Variants in GPM6B observed in about 807,000 individuals in gnomAD.
The protein encoded by GPM6B is glycoprotein M6B.
Under a neutral mutation model 27.2 loss-of-function variants are expected in GPM6B, and 4 were observed. The observed-to-expected ratio is 0.15, with a 90% CI of 0.07 to 0.34. The LOEUF (loss-of-function observed/expected upper bound fraction) is 0.34. Among genes scored for constraint, GPM6B ranks in the 10% least tolerant of loss-of-function variants. The pLI is 1.00. For synonymous variants in GPM6B, 124 were observed against 103.1 expected, an observed-to-expected ratio of 1.20 and a Z score of -1.23; for missense variants, 183 against 261.9, an observed-to-expected ratio of 0.70 and a Z score of 2.08.
intron 1 of GPM6B, among the ~76,000 whole-genome samples, chrX:13,903,844 T>C (rs2050304300): frequency 9.0e-6 from 1 of 111,718 alleles, no homozygotes; most frequent in East Asian, 2.8e-4. Flanking sequence ...GGTGGACTCA[T>C]GCAGGGCTTT....
chrX:13,868,519 G>A (rs988432636), intron 1 of GPM6B, among the ~76,000 whole-genome samples: 8 of 111,980 alleles, frequency 7.1e-5, no homozygotes, highest in East Asian at 5.6e-4. Flanking sequence ...CACTAAAAGC[G>A]AAATGCAAGA....
At chrX:13,801,808 C>T (rs1356752315) in intron 2 of GPM6B, among the ~76,000 whole-genome samples, 2 of 111,455 alleles carry the variant, frequency 1.8e-5, no homozygotes, top group Non-Finnish European at 3.8e-5. Flanking sequence ...TAGAGCTGGT[C>T]CTTGGGGGTG....
chrX:13,781,956 T>C (rs1295476211), intron 4 of GPM6B, among the ~76,000 whole-genome samples: 1 of 111,635 alleles, frequency 9.0e-6, no homozygotes, highest in Non-Finnish European at 1.9e-5. Flanking sequence ...AGTGGCAGCT[T>C]TGCTTCCCTA....
At position 13,773,953 on chromosome X, in the gene GPM6B, CTTTTTTTTTTTTTT is replaced by C. The variant is rs772367299; in HGVS notation, c.838-937_838-924del. ...AAAAAAAACTACCCACATATAAATC[CTTTTTTTTTTTTTT>C]TTTTTTTTTTTTCCAGAGAACTGGG... On this transcript the variant is annotated intron_variant, in intron 7 of 7. Transcript: ENST00000316715. 5.5e-5 allele frequency: 24 copies of C among 436,324 alleles called. 1 individual carries two copies. In the Admixed American group the frequency reaches 7.4e-4, roughly 13 times the overall value. The allele number at this position is 436,324 out of a possible 1,213,427, so 36.0% of individuals were successfully genotyped here. A position where few individuals can be genotyped will look rare whatever the true frequency, so the allele number is the denominator to read the frequency against.
At chrX:13,890,322 A>C (rs746520366) in intron 1 of GPM6B, among the ~76,000 whole-genome samples, 1 of 111,899 alleles carries the variant, frequency 8.9e-6, no homozygotes, top group Non-Finnish European at 1.9e-5. Context: ...GGCATGAATA[A>C]TCCACTCCTT....
At chrX:13,886,222 T>C (rs552216320) in intron 1 of GPM6B, among the ~76,000 whole-genome samples, 1 of 111,888 alleles carries the variant, frequency 8.9e-6, no homozygotes, top group East Asian at 2.8e-4. Flanking sequence ...AGCTAATGAA[T>C]CAGAAAGCAA....
intron 1 of GPM6B, among the ~76,000 whole-genome samples, chrX:13,916,650 T>C (rs1481358673): frequency 1.1e-5 from 1 of 92,690 alleles, no homozygotes; most frequent in Non-Finnish European, 2.1e-5. Flanking sequence ...AAAGAACATG[T>C]ATTAGTTTAT....
intron 1 of GPM6B, among the ~76,000 whole-genome samples, chrX:13,853,220 C>G (rs988779336): frequency 9.0e-6 from 1 of 111,092 alleles, no homozygotes; most frequent in Non-Finnish European, 1.9e-5. Context: ...TTCTGAGATT[C>G]GACAGAAGGA....
At chrX:13,847,212 C>G (rs2049660377) in intron 1 of GPM6B, among the ~76,000 whole-genome samples, 1 of 111,685 alleles carries the variant, frequency 9.0e-6, no homozygotes, top group Non-Finnish European at 1.9e-5. Flanking sequence ...TGCCCAAGTT[C>G]TGAGTGCTGA....
chrX:13,833,745 T>C (rs1174008740), intron 1 of GPM6B, among the ~76,000 whole-genome samples: 1 of 111,346 alleles, frequency 9.0e-6, no homozygotes, highest in Non-Finnish European at 1.9e-5. Flanking sequence ...AACAAAACTG[T>C]GTTCATCTGT....
rs757209982 is a variant in GPM6B, at chrX:13,810,510, C to T, written c.62-2741G>A. Among the ~76,000 whole-genome samples the T allele has an allele frequency of 7.2e-5, 8 of 111,238 alleles. No homozygotes were observed. The South Asian group carries it at 3.0e-3, about 42-fold the overall frequency. ...TGGACCAGAAATGGACCTCTAGATC[C>T]CCCACCATGCTGACTTTTACCCAAG... On this transcript the variant is annotated intron_variant, in intron 1 of 7. Transcript: ENST00000316715.
At chrX:13,900,175 A>C (rs1272874742) in intron 1 of GPM6B, among the ~76,000 whole-genome samples, 4 of 112,099 alleles carry the variant, frequency 3.6e-5, no homozygotes, top group Non-Finnish European at 5.6e-5. Flanking sequence ...TGCACAATAA[A>C]AAACACAGGG....
chrX:13,784,798 T>G (rs1274560271), intron 3 of GPM6B, among the ~76,000 whole-genome samples: 1 of 111,744 alleles, frequency 8.9e-6, no homozygotes, highest in Non-Finnish European at 1.9e-5. Flanking sequence ...TCCTCTCTTC[T>G]GCAATGGAGG....
intron 1 of GPM6B, among the ~76,000 whole-genome samples, chrX:13,933,664 G>A (rs1446871087): frequency 8.9e-6 from 1 of 112,226 alleles, no homozygotes; most frequent in African/African-American, 3.2e-5. Context: ...ACTTTGGAGA[G>A]TCTTAACAAA....
At chrX:13,893,724 C>G in intron 1 of GPM6B, among the ~76,000 whole-genome samples, 1 of 112,436 alleles carries the variant, frequency 8.9e-6, no homozygotes. Context: ...AAGTCACCTA[C>G]TAGCTCGTAT....
chrX:13,774,857 A>T (rs754596536), intron 7 of GPM6B, among the ~76,000 whole-genome samples: 4 of 112,102 alleles, frequency 3.6e-5, no homozygotes, highest in Admixed American at 1.9e-4. Context: ...AAGGACTTGG[A>T]TGCGTTTCAA....
intron 1 of GPM6B, among the ~76,000 whole-genome samples, chrX:13,904,766 T>C (rs745747045): frequency 2.1e-4 from 23 of 110,751 alleles, no homozygotes; most frequent in Non-Finnish European, 3.2e-4. Flanking sequence ...GTATGTGTCC[T>C]GAAGAGTCCA....
chrX:13,831,294 C>T (rs889766850), intron 1 of GPM6B, among the ~76,000 whole-genome samples: 3 of 108,795 alleles, frequency 2.8e-5, no homozygotes, highest in African/African-American at 1.0e-4. Flanking sequence ...CATTTAGGGT[C>T]TCAAAAATCT....
intron 2 of GPM6B, among the ~76,000 whole-genome samples, chrX:13,787,066 A>AAAAAAT (rs2048627028): frequency 1.9e-5 from 2 of 105,700 alleles, no homozygotes; most frequent in Non-Finnish European, 3.9e-5. Context: ...AAAAAAAAAA[A>AAAAAAT]AAATCCCCCA....
Sources: allele counts gnomAD v4.1 joint callset (sites outside exome capture counted in the v4.1 genomes callset), GRCh38; gene constraint gnomAD v4.1.1; transcripts MANE v1.5; gene names NCBI Gene and HGNC (gene_info 2026-07-23, HGNC 2026-07-21).